IDI1: variants seen among roughly 807,000 people sequenced by gnomAD.
The protein encoded by IDI1 is isopentenyl-diphosphate Delta-isomerase 1.
Under a neutral mutation model 32.9 loss-of-function variants are expected in IDI1, and 23 were observed. That is an observed-to-expected ratio of 0.70 (90% confidence interval 0.50 to 0.99). The LOEUF (loss-of-function observed/expected upper bound fraction) is 0.99. IDI1 is among the 50% of genes least tolerant of loss of function. The probability of loss-of-function intolerance (pLI) is 0.00; values close to 1 mark genes in which losing one functional copy is unlikely to be tolerated. For missense variants in IDI1, 326 were observed against 351.9 expected (o/e 0.93, Z 0.59); for synonymous variants, 133 against 128.2 (o/e 1.04, Z -0.25).
chr10:1,043,777 T>C (rs986268965), intron 2 of IDI1: 10 of 675,834 alleles, frequency 1.5e-5, no homozygotes, highest in African/African-American at 1.4e-4. Flanking sequence ...GAATCCAGAA[T>C]AACTCTGAAG....
intron 1 of IDI1, chr10:1,048,277 C>A (rs1832860522): frequency 4.6e-6 from 6 of 1,304,186 alleles, no homozygotes; most frequent in African/African-American, 3.0e-5. Context: ...GTAGTAGACG[C>A]GGGAACACAT....
the IDI1 span, chr10:1,056,478 G>C: frequency 6.6e-6 from 1 of 152,136 alleles, no homozygotes; most frequent in African/African-American, 2.4e-5. Flanking sequence ...CCGGGTCTCA[G>C]GCCTCAGGCG....
upstream of IDI1, among the ~76,000 whole-genome samples, chr10:1,050,300 C>G (rs1589059308): frequency 6.6e-6 from 1 of 152,312 alleles, no homozygotes; most frequent in East Asian, 1.9e-4. Context: ...GTTGACAGAT[C>G]TCTTTCATGT....
chr10:1,045,084 G>A (rs929478967), intron 1 of IDI1, among the ~76,000 whole-genome samples: 6 of 152,264 alleles, frequency 3.9e-5, no homozygotes, highest in East Asian at 1.9e-4. Flanking sequence ...CTCACAGGAC[G>A]TAACAACAGG....
upstream of IDI1, among the ~76,000 whole-genome samples, chr10:1,050,106 T>A (rs999697976): frequency 6.6e-6 from 1 of 152,218 alleles, no homozygotes; most frequent in African/African-American, 2.4e-5. Flanking sequence ...ACGCTTGCAC[T>A]CTCTTAAAAT....
the IDI1 span, among the ~76,000 whole-genome samples, chr10:1,055,814 CCTTA>C: frequency 6.6e-6 from 1 of 151,846 alleles, no homozygotes. Flanking sequence ...TCTTGAGCTT[CCTTA>C]TTTTTTTTTG....
At chr10:1,041,859 G>A (rs925774254) in intron 4 of IDI1, among the ~76,000 whole-genome samples, 2 of 148,864 alleles carry the variant, frequency 1.3e-5, no homozygotes, top group Non-Finnish European at 3.0e-5. Context: ...AAGCTGGAGT[G>A]CAATGGTGTG....
At chr10:1,056,350 A>G in the IDI1 span, 2 of 152,218 alleles carry the variant, frequency 1.3e-5, no homozygotes, top group Admixed American at 6.5e-5. Context: ...CTTCCCAGCC[A>G]ATGGTGATCA....
intron 1 of IDI1, among the ~76,000 whole-genome samples, chr10:1,045,363 T>C (rs1271254273): frequency 6.6e-6 from 1 of 152,240 alleles, no homozygotes; most frequent in Admixed American, 6.5e-5. Context: ...TATTTCTGAA[T>C]GAATAATAAT....
rs1417031471 is a variant in IDI1 at position 1,042,108 on chromosome 10, G to A, written c.537+524C>T. On this transcript the variant is annotated intron_variant, in intron 4 of 4. Coordinates refer to ENST00000381344, the MANE Select transcript of IDI1 (RefSeq NM_004508.4). ...AGGCGTGAGCCACCACGACCGGCCC[G>A]ACATTTTTCTTTTTCATATTTTAAA... is the stretch of plus-strand genomic sequence containing the variant. 2.6e-5 allele frequency among the ~76,000 whole-genome samples: 4 copies of A among 152,124 alleles called. No individual in the cohort carries two copies. The South Asian group carries it at 8.3e-4, about 32-fold the overall frequency.
chr10:1,048,719 C>T (rs1042093121), intron 1 of IDI1, 145 bp downstream of exon 1: 29 of 1,428,674 alleles, frequency 2.0e-5, no homozygotes, highest in Non-Finnish European at 2.6e-5. Flanking sequence ...TTCGGGAGAC[C>T]AACGCCGCCA....
intron 1 of IDI1, 117 bp from the exon 2 acceptor site, chr10:1,044,288 A>G: frequency 1.4e-6 from 1 of 711,200 alleles, no homozygotes; most frequent in Admixed American, 2.8e-5. Context: ...CTGCATCCCC[A>G]CAGGGACCCC....
Position 1,049,033 on chromosome 10 carries a change from T to G in IDI1, c.-30A>C, listed in dbSNP as rs766200125. 3 of 1,465,980 alleles carry G rather than the reference T, an allele frequency of 2.0e-6. No homozygotes were observed. Among genetic ancestry groups the G allele is most frequent in the East Asian group, 5.4e-5 (2 of 37,196 alleles). The allele number at this position is 1,465,980 out of a possible 1,614,324, so 90.8% of individuals were successfully genotyped here. A position where few individuals can be genotyped will look rare whatever the true frequency, so the allele number is the denominator to read the frequency against. ...CGGCCAATTGGCGCCCGTACGCGCT[T>G]GACGACACAATCTCGCCAAGCTTCG... is the stretch of plus-strand genomic sequence containing the variant. On this transcript the variant is annotated 5_prime_UTR_variant, in exon 1 of 5. Transcript: ENST00000381344.
Position 1,048,964 on chromosome 10 carries a change from C to T in IDI1, c.40G>A (p.Ala14Thr), listed in dbSNP as rs771380653. 295 of 1,550,314 alleles carry T rather than the reference C, an allele frequency of 1.9e-4. No homozygotes were observed. The highest frequency in any genetic ancestry group is 5.3e-4 in the Middle Eastern group (3 of 5,666). ...GCCCACTGGCCCCGCCCCCGGGCCG[C>T]GCAGCCAATCGCTCGCGCCAGCGCC... ...GLALARAIGC[A>T]ARGRGQWAVR... is the part of the protein sequence containing the mutation. The change falls in exon 1 of 5, where the codon GCG becomes ACG. Residue 14 changes from alanine to threonine, a missense_variant. Physicochemically the swap from Ala to Thr is moderately conservative, Grantham distance 58 (BLOSUM62 0). Transcript: ENST00000381344.
upstream of IDI1, chr10:1,049,253 C>T (rs1388449511): frequency 7.1e-6 from 4 of 562,582 alleles, no homozygotes; most frequent in Admixed American, 4.1e-5. Flanking sequence ...TTCGATCCTG[C>T]CGTGCGAGCC....
At chr10:1,050,321 A>G (rs1046392661), upstream of IDI1, among the ~76,000 whole-genome samples, 4 of 152,232 alleles carry the variant, frequency 2.6e-5, no homozygotes, top group African/African-American at 9.6e-5. Flanking sequence ...CTGGCTTCAC[A>G]CAGATAAGAA....
chr10:1,049,983 T>A (rs145096836), upstream of IDI1, among the ~76,000 whole-genome samples: 244 of 152,278 alleles, frequency 1.6e-3, no homozygotes, highest in African/African-American at 5.6e-3. Context: ...GTGAAATGTA[T>A]GCGCAGCTGA....
intron 4 of IDI1, 84 bp from the exon 5 acceptor site, chr10:1,041,588 G>A (rs191806276): frequency 2.8e-5 from 19 of 677,190 alleles, no homozygotes; most frequent in African/African-American, 2.4e-4. Flanking sequence ...GTATTACAGC[G>A]ATATCTCGAA....
intron 1 of IDI1, 108 bp downstream of exon 1, chr10:1,048,756 G>A (rs1832882040): frequency 1.3e-6 from 2 of 1,495,654 alleles, no homozygotes; most frequent in South Asian, 1.3e-5. Context: ...CCTCCGCGCC[G>A]AGACCTCACG....
Sources: gnomAD v4.1 joint callset for allele counts (sites outside exome capture counted in the v4.1 genomes callset) on GRCh38, gnomAD v4.1.1 for gene constraint, MANE v1.5 for transcripts, NCBI Gene and HGNC (gene_info 2026-07-23, HGNC 2026-07-21) for gene names.